ESYT2: variants seen among roughly 807,000 people sequenced by gnomAD.
ESYT2 encodes extended synaptotagmin-2.
Under a neutral mutation model 107.2 loss-of-function variants are expected in ESYT2, and 54 were observed. That is an observed-to-expected ratio of 0.50 (90% CI 0.40 to 0.63). The LOEUF is 0.63. Ranked by LOEUF, ESYT2 falls within the 30% of genes least tolerant of loss-of-function variation. ESYT2 has a pLI of 0.00. For missense variants in ESYT2, 1,020 were observed against 1,094.5 expected (o/e 0.93, Z 0.96); for synonymous variants, 491 against 434.1 (o/e 1.13, Z -1.63).
At chr7:158,761,973 G>A (rs1159655802) in intron 10 of ESYT2, among the ~76,000 whole-genome samples, 2 of 152,078 alleles carry the variant, frequency 1.3e-5, no homozygotes, top group African/African-American at 4.8e-5. Flanking sequence ...AGGGTTGTGC[G>A]TTACTGTGGA....
chr7:158,800,296 C>G (rs912863146), intron 1 of ESYT2, among the ~76,000 whole-genome samples: 3 of 152,160 alleles, frequency 2.0e-5, no homozygotes, highest in African/African-American at 7.2e-5. Flanking sequence ...ATCCGCCTGC[C>G]TCTGCCTCCC....
intron 16 of ESYT2, among the ~76,000 whole-genome samples, chr7:158,745,906 C>T (rs190048056): frequency 2.0e-4 from 30 of 152,198 alleles, no homozygotes; most frequent in African/African-American, 7.0e-4. Context: ...ATGTCTCAAG[C>T]TTCTTCTTTA....
At position 158,829,102 on chromosome 7, in the gene ESYT2, T is replaced by C. The variant is rs1840551319; in HGVS notation, c.317A>G (p.Asp106Gly). The C allele has an allele frequency of 6.3e-7, 1 of 1,582,272 alleles. No homozygotes were observed. Among genetic ancestry groups the C allele is most frequent in the African/African-American group, 1.4e-5 (1 of 72,822 alleles). The part of the protein sequence containing the change: ...RVVRLGVRAC[D>G]LPAWVHFPDT... ...GTCTGCACTCACCCAGGCGGGCAGG[T>C]CGCAGGCGCGCACCCCCAGGCGCAC... The change falls in exon 1 of 23, where the codon GAC becomes GGC. Residue 106 changes from aspartate to glycine, a missense_variant. By Grantham distance (94) the Asp-to-Gly change is moderately conservative. Transcript: ENST00000275418.
intron 13 of ESYT2, among the ~76,000 whole-genome samples, chr7:158,754,568 C>T (rs1183446152): frequency 1.3e-5 from 2 of 152,068 alleles, no homozygotes; most frequent in Non-Finnish European, 2.9e-5. Flanking sequence ...ATCATTAGGC[C>T]TAAGGGCCTC....
At chr7:158,778,014 A>G (rs938670198) in intron 6 of ESYT2, among the ~76,000 whole-genome samples, 3 of 152,202 alleles carry the variant, frequency 2.0e-5, no homozygotes, top group Non-Finnish European at 4.4e-5. Flanking sequence ...AAGCGCAATA[A>G]AGCAAAGCAC....
chr7:158,771,218 T>C (rs1838357147), intron 7 of ESYT2, among the ~76,000 whole-genome samples: 1 of 152,260 alleles, frequency 6.6e-6, no homozygotes, highest in South Asian at 2.1e-4. Flanking sequence ...CCAGTATTAA[T>C]ACAACGTTGT....
Position 158,741,873 on chromosome 7 carries a change from T to C in ESYT2, c.1818A>G (p.Glu606=). 1 of 1,606,666 alleles carries C rather than the reference T, an allele frequency of 6.2e-7. No homozygotes were observed. Among genetic ancestry groups the C allele is most frequent in the Non-Finnish European group, 8.5e-7 (1 of 1,177,098 alleles). ...ALRVLHLEKR[E]RPPDHQHSAQ... ...CTGAGTGTTGGTGGTCTGGAGGCCT[T>C]TCTCGCTTTTCGAGATGGAGCACCT... Residue 606 remains glutamate, a synonymous_variant, in exon 18 of 23, where the codon GAA becomes GAG. Coordinates refer to ENST00000275418, the MANE Select transcript of ESYT2 (RefSeq NM_001367773.1).
Position 158,753,507 on chromosome 7 carries a change from A to G in ESYT2, c.1420-664T>C, listed in dbSNP as rs993766668. On this transcript the variant is annotated intron_variant, in intron 13 of 22. Coordinates refer to ENST00000275418, the MANE Select transcript of ESYT2 (RefSeq NM_001367773.1). ...AAAGGCAAGACTGAGTTGTTTTGCA[A>G]GCTCCTTCTAGGACTAGTATTCAAG... Among the ~76,000 whole-genome samples the G allele has an allele frequency of 2.6e-5, 4 of 152,178 alleles. No individual in the cohort carries two copies. In the East Asian group the frequency reaches 7.7e-4, roughly 29 times the overall value.
At chr7:158,746,495 G>C (rs1015431058) in intron 16 of ESYT2, among the ~76,000 whole-genome samples, 1 of 148,546 alleles carries the variant, frequency 6.7e-6, no homozygotes, top group Admixed American at 6.7e-5. Context: ...GAGTGACAAA[G>C]TGAGACCCTG....
At chr7:158,764,893 G>C (rs1183828226) in intron 8 of ESYT2, 40 bp from the exon 9 acceptor site, 1 of 1,596,212 alleles carries the variant, frequency 6.3e-7, no homozygotes, top group African/African-American at 1.3e-5. Flanking sequence ...CCCTTGGCTG[G>C]CTTGTTTAAC....
chr7:158,815,446 C>T (rs1398122995), intron 1 of ESYT2, among the ~76,000 whole-genome samples: 1 of 148,854 alleles, frequency 6.7e-6, no homozygotes, highest in Non-Finnish European at 1.5e-5. Context: ...CTCCCCAAAG[C>T]TATTCCCCTG....
rs1290375376 is a variant in ESYT2 at position 158,829,245 on chromosome 7, G to A, written c.174C>T (p.Leu58=). The A allele has an allele frequency of 1.3e-6, 2 of 1,528,626 alleles. No homozygotes were observed. Among genetic ancestry groups the A allele is most frequent in the South Asian group, 1.2e-5 (1 of 83,672 alleles). 94.7% of individuals were successfully genotyped at this position (1,528,626 alleles called of 1,614,324 possible). A position where few individuals can be genotyped will look rare whatever the true frequency, so the allele number is the denominator to read the frequency against. The change falls in exon 1 of 23, where the codon CTC becomes CTT. Residue 58 remains leucine, a synonymous_variant. Coordinates refer to ENST00000275418, the MANE Select transcript of ESYT2 (RefSeq NM_001367773.1). ...LPVYALGYLG[L]SFSWVLLALA... is the part of the protein sequence containing the mutation. ...GCGCGAGGAGAACCCAGCTGAAGCT[G>A]AGCCCCAGGTAGCCCAGCGCGTACA...
rs112030107 is a variant in ESYT2, at chr7:158,772,717, T to C, written c.803+624A>G. Among the ~76,000 whole-genome samples, 762 of 152,174 alleles carry C rather than the reference T, an allele frequency of 5.0e-3. 3 individuals carry two copies. The highest frequency in any genetic ancestry group is 0.018 in the African/African-American group (732 of 41,518). ...ATGCACCCTCCAGGGCCTCAGATGCTTGTTATGGAACATTTTTCTCCTGTT... is the reference window on the plus strand; with the variant it reads ...ATGCACCCTCCAGGGCCTCAGATGCCTGTTATGGAACATTTTTCTCCTGTT... On this transcript the variant is annotated intron_variant, in intron 7 of 22. Transcript: ENST00000275418.
At position 158,764,776 on chromosome 7, in the gene ESYT2, T is replaced by G. The variant is rs764148538; in HGVS notation, c.1002A>C (p.Gly334=). ...KDTYLKGLVK[G]KSDPYGIIRV... Reference sequence around the variant, plus strand: ...TAATGATTCCATAGGGGTCTGACTTTCCCTTGACAAGTCCCTTAAGGTAAG... The same window carrying G: ...TAATGATTCCATAGGGGTCTGACTTGCCCTTGACAAGTCCCTTAAGGTAAG... The change falls in exon 9 of 23, where the codon GGA becomes GGC. Residue 334 remains glycine (G), a synonymous_variant. Coordinates refer to ENST00000275418, the MANE Select transcript of ESYT2 (RefSeq NM_001367773.1). The G allele has an allele frequency of 6.2e-7, 1 of 1,614,200 alleles. No homozygotes were observed. The highest frequency in any genetic ancestry group is 2.2e-5 in the East Asian group (1 of 44,880).
intron 7 of ESYT2, among the ~76,000 whole-genome samples, chr7:158,768,455 T>C (rs1050527423): frequency 9.9e-5 from 15 of 152,230 alleles, no homozygotes; most frequent in African/African-American, 3.4e-4. Flanking sequence ...GTTTTGATCC[T>C]GTTGCCCAGG....
At chr7:158,754,764 C>G (rs1157847038) in intron 13 of ESYT2, among the ~76,000 whole-genome samples, 2 of 152,204 alleles carry the variant, frequency 1.3e-5, no homozygotes, top group East Asian at 3.9e-4. Context: ...TGGGCCCACG[C>G]TGAGTTCCAA....
intron 11 of ESYT2, 98 bp from the exon 12 acceptor site, chr7:158,760,245 C>T (rs1837912167): frequency 9.7e-7 from 1 of 1,031,670 alleles, no homozygotes; most frequent in South Asian, 1.4e-5. Flanking sequence ...GCTCACTAAC[C>T]ACGAGGCATC....
intron 2 of ESYT2, among the ~76,000 whole-genome samples, chr7:158,798,744 T>G (rs1193357095): frequency 6.6e-6 from 1 of 152,046 alleles, no homozygotes; most frequent in Non-Finnish European, 1.5e-5. Context: ...AACTTATGAT[T>G]GTTATAAAAT....
At chr7:158,792,552 A>T (rs1839332056) in intron 4 of ESYT2, among the ~76,000 whole-genome samples, 1 of 148,406 alleles carries the variant, frequency 6.7e-6, no homozygotes, top group East Asian at 2.0e-4. Flanking sequence ...AACCAACCAA[A>T]CAAAAACACA....
Sources: allele counts gnomAD v4.1 joint callset (sites outside exome capture counted in the v4.1 genomes callset), GRCh38; gene constraint gnomAD v4.1.1; transcripts MANE v1.5; gene names NCBI Gene and HGNC (gene_info 2026-07-23, HGNC 2026-07-21).